WASF3: variants seen among roughly 807,000 people sequenced by gnomAD.
WASF3 encodes the protein WASP family member 3, also known as actin-binding protein WASF3.
In WASF3, 11 loss-of-function variants were observed where a neutral mutation model predicts 46.6. The observed-to-expected ratio is 0.24, with a 90% CI of 0.15 to 0.39. The LOEUF (loss-of-function observed/expected upper bound fraction) is 0.39. WASF3 is among the 10% of genes least tolerant of loss of function. The pLI is 1.00. For synonymous variants in WASF3, 242 were observed against 259.7 expected (o/e 0.93, Z 0.65); for missense variants, 576 against 669.8 (o/e 0.86, Z 1.55).
Position 26,665,582 on chromosome 13 carries a change from G to A in WASF3, c.268+420G>A, listed in dbSNP as rs191223829. On this transcript the variant is annotated intron_variant, in intron 4 of 9. Coordinates refer to ENST00000335327, the MANE Select transcript of WASF3 (RefSeq NM_006646.6). ...AGCACCTGGTGTTCTTAGGATTGATGCCTGTAAAATCCTGGTGATTCTGCT... is the reference window on the plus strand; with the variant it reads ...AGCACCTGGTGTTCTTAGGATTGATACCTGTAAAATCCTGGTGATTCTGCT... Among the ~76,000 whole-genome samples the A allele has an allele frequency of 5.8e-5, 8 of 137,488 alleles. No individual in the cohort carries two copies. In the East Asian group the frequency reaches 2.4e-3, roughly 41 times the overall value. The allele number at this position is 137,488 out of a possible 152,430, so 90.2% of individuals were successfully genotyped here. A position where few individuals can be genotyped will look rare whatever the true frequency, so the allele number is the denominator to read the frequency against.
chr13:26,604,416 TA>T (rs138043975), intron 1 of WASF3, among the ~76,000 whole-genome samples: 3,133 of 152,270 alleles, frequency 0.021, 102 homozygotes, highest in African/African-American at 0.071. Flanking sequence ...AGGTCATGAT[TA>T]GGGGGAAAGA....
Position 26,681,187 on chromosome 13 carries a change from C to T in WASF3, c.850C>T (p.His284Tyr). The change falls in exon 8 of 10, where the codon CAT (histidine) becomes TAT (tyrosine). Residue 284 changes from histidine (H) to tyrosine (Y), a missense_variant. By Grantham distance (83) the His-to-Tyr change is moderately conservative. Transcript: ENST00000335327. The part of the protein sequence containing the change: ...PHGPASQAAE[H>Y]EYRPPSASAR... ...CGGGCCTGCAAGCCAGGCTGCGGAG[C>T]ATGAGTACCGGCCCCCATCTGCCTC... 2 of 1,614,154 alleles carry T rather than the reference C, an allele frequency of 1.2e-6. No homozygotes were observed. Among genetic ancestry groups the T allele is most frequent in the African/African-American group, 1.3e-5 (1 of 75,054 alleles).
At chr13:26,549,022 G>C in the WASF3 span, among the ~76,000 whole-genome samples, 3 of 144,200 alleles carry the variant, frequency 2.1e-5, no homozygotes, top group Admixed American at 2.1e-4. Flanking sequence ...TTGCTTTGTT[G>C]CCAGGCTGGA....
chr13:26,597,320 A>C (rs1880498435), intron 1 of WASF3, among the ~76,000 whole-genome samples: 1 of 152,140 alleles, frequency 6.6e-6, no homozygotes, highest in Non-Finnish European at 1.5e-5. Context: ...TTTTTAGTAG[A>C]GATGGGGCTT....
At chr13:26,545,121 G>C in the WASF3 span, among the ~76,000 whole-genome samples, 4 of 152,182 alleles carry the variant, frequency 2.6e-5, no homozygotes, top group East Asian at 7.7e-4. Context: ...TGGGATAAAT[G>C]GGATCGACAT....
At chr13:26,582,557 G>C (rs1020901001) in intron 1 of WASF3, among the ~76,000 whole-genome samples, 1 of 150,748 alleles carries the variant, frequency 6.6e-6, no homozygotes, top group Non-Finnish European at 1.5e-5. Context: ...TGCACCTGTA[G>C]TCCCAGTTAC....
intron 1 of WASF3, among the ~76,000 whole-genome samples, chr13:26,591,416 G>T (rs1880289583): frequency 6.6e-6 from 1 of 152,094 alleles, no homozygotes; most frequent in Non-Finnish European, 1.5e-5. Flanking sequence ...CAGTTGAGGT[G>T]GGGGAAGCAG....
chr13:26,688,857 T>C lies in WASF3; in HGVS notation c.*3012T>C, dbSNP rs189809099. On this transcript the variant is annotated 3_prime_UTR_variant, in exon 10 of 10. Transcript: ENST00000335327. ...ATTAAAAAAAACTGTTAAACAATTT[T>C]TATCTGTTTGTATATCTTACTATAG... 4 of 152,340 alleles carry C rather than the reference T, an allele frequency of 2.6e-5. No individual in the cohort carries two copies. In the East Asian group the frequency reaches 7.7e-4, roughly 29 times the overall value. The allele number at this position is 152,340 out of a possible 1,614,324, so 9.4% of individuals were successfully genotyped here.
intron 6 of WASF3, among the ~76,000 whole-genome samples, chr13:26,674,145 C>A (rs764413754): frequency 1.3e-5 from 2 of 152,108 alleles, no homozygotes; most frequent in African/African-American, 4.8e-5. Flanking sequence ...ATGTTTGGTT[C>A]GCATGCGCTT....
In WASF3 at chr13:26,685,354, G is replaced by A. The variant is rs547482785; in HGVS notation, c.1352-334G>A. Among the ~76,000 whole-genome samples, 12 of 152,300 alleles carry A rather than the reference G, an allele frequency of 7.9e-5. No individual in the cohort carries two copies. The South Asian group carries it at 2.1e-3, about 26-fold the overall frequency. On this transcript the variant is annotated intron_variant, in intron 9 of 9. Transcript: ENST00000335327. Reference sequence around the variant, plus strand: ...CCCAGAGAGTAGCCACTAGCCACATGTCAGTTCATGCTTTTAAGGCTATAT... The same window carrying A: ...CCCAGAGAGTAGCCACTAGCCACATATCAGTTCATGCTTTTAAGGCTATAT...
rs146562174 is a variant in WASF3, at chr13:26,657,368, A to G, written c.134-7660A>G. Among the ~76,000 whole-genome samples, 3 of 152,310 alleles carry G rather than the reference A, an allele frequency of 2.0e-5. No individual in the cohort carries two copies. In the East Asian group the frequency reaches 5.8e-4, roughly 29 times the overall value. On this transcript the variant is annotated intron_variant, in intron 3 of 9. Coordinates refer to ENST00000335327, the MANE Select transcript of WASF3 (RefSeq NM_006646.6). ...CACATTTTACTCTATTGTAACTTGT[A>G]TTAGGTTGGTGCAAAAGTATCTAAT... is the stretch of plus-strand genomic sequence containing the variant.
At chr13:26,645,542 C>T (rs955723754) in intron 3 of WASF3, among the ~76,000 whole-genome samples, 1 of 151,858 alleles carries the variant, frequency 6.6e-6, no homozygotes, top group African/African-American at 2.4e-5. Flanking sequence ...AATTATATCT[C>T]GTATCAGGTA....
intron 7 of WASF3, among the ~76,000 whole-genome samples, chr13:26,677,989 T>TA (rs1883115666): frequency 6.6e-6 from 1 of 151,832 alleles, no homozygotes; most frequent in African/African-American, 2.4e-5. Flanking sequence ...AGTTGAATGA[T>TA]ACTCCTTCTA....
chr13:26,606,326 GTGT>G (rs1880797278), intron 1 of WASF3, among the ~76,000 whole-genome samples: 1 of 12,828 alleles, frequency 7.8e-5, no homozygotes. Context: ...TTTTTCGTGT[GTGT>G]GTGTGTGTGT....
chr13:26,640,158 C>G lies in WASF3; in HGVS notation c.-10-2103C>G, dbSNP rs574128986. On this transcript the variant is annotated intron_variant, in intron 2 of 9. Coordinates refer to ENST00000335327, the MANE Select transcript of WASF3 (RefSeq NM_006646.6). The stretch of plus-strand genomic sequence containing the variant: ...CCTTGGGAGGATGGCACCAAGCTGT[C>G]CACCCCCATGATCCAAAAGTTTCCC... 7.9e-5 allele frequency among the ~76,000 whole-genome samples: 12 copies of G among 152,166 alleles called. 1 individual carries two copies. The highest frequency in any genetic ancestry group is 7.9e-4 in the Admixed American group (12 of 15,276).
At chr13:26,561,076 T>C (rs138332974) in intron 1 of WASF3, among the ~76,000 whole-genome samples, 91 of 151,798 alleles carry the variant, frequency 6.0e-4, no homozygotes, top group Admixed American at 1.4e-3. Context: ...GTGGGGGTGG[T>C]TGTGGGCAAG....
chr13:26,554,092 CTTCCTTCTTTCT>C (rs1419111370), upstream of WASF3, among the ~76,000 whole-genome samples: 93 of 23,192 alleles, frequency 4.0e-3, no homozygotes, highest in African/African-American at 0.014. Flanking sequence ...TCCTTCCTTC[CTTCCTTCTTTCT>C]TTCTTTCTTT....
chr13:26,681,499 C>G (rs541182264), intron 8 of WASF3, among the ~76,000 whole-genome samples, 179 bp downstream of exon 8: 1 of 152,344 alleles, frequency 6.6e-6, no homozygotes, highest in Non-Finnish European at 1.5e-5. Context: ...AGCATAAGCT[C>G]AGACTTACAG....
intron 2 of WASF3, among the ~76,000 whole-genome samples, chr13:26,620,139 G>C (rs1593152331): frequency 6.6e-6 from 1 of 151,982 alleles, no homozygotes; most frequent in Non-Finnish European, 1.5e-5. Context: ...GATCTCCAAG[G>C]TTCCATTTAT....
Sources: gnomAD v4.1 joint callset for allele counts (sites outside exome capture counted in the v4.1 genomes callset) on GRCh38, gnomAD v4.1.1 for gene constraint, MANE v1.5 for transcripts, NCBI Gene and HGNC (gene_info 2026-07-23, HGNC 2026-07-21) for gene names.